The following ABCC11 variants were observed in gnomAD, a reference collection of about 807,000 sequenced individuals.
The protein encoded by ABCC11 is ATP-binding cassette sub-family C member 11.
In ABCC11, 135 loss-of-function variants were observed where a neutral mutation model predicts 149.3. That is an observed-to-expected ratio of 0.90 (90% confidence interval 0.79 to 1.04). The LOEUF (loss-of-function observed/expected upper bound fraction) is 1.04, where lower values mean the gene tolerates loss of function less well. Among genes scored for constraint, ABCC11 ranks in the 50% least tolerant of loss-of-function variants. ABCC11 has a pLI of 0.00. For synonymous variants in ABCC11, 665 were observed against 671.4 expected (o/e 0.99, Z 0.15); for missense variants, 1,680 against 1,722.1 (o/e 0.98, Z 0.43).
intron 1 of ABCC11, among the ~76,000 whole-genome samples, chr16:48,233,011 G>A (rs1165371546): frequency 7.9e-5 from 12 of 152,026 alleles, no homozygotes; most frequent in Admixed American, 7.9e-4. Flanking sequence ...ACCAGCCTGG[G>A]CAACATGGCG....
chr16:48,238,964 A>G (rs927439889), intron 1 of ABCC11, among the ~76,000 whole-genome samples: 2 of 149,258 alleles, frequency 1.3e-5, no homozygotes, highest in Non-Finnish European at 3.0e-5. Context: ...AAAAAACCAT[A>G]AAAACTAAAT....
intron 14 of ABCC11, among the ~76,000 whole-genome samples, chr16:48,201,199 T>C (rs552266659): frequency 1.2e-3 from 183 of 152,336 alleles, no homozygotes; most frequent in Middle Eastern, 0.01. Flanking sequence ...GAGGCAAACA[T>C]TAAACTATTA....
rs1209984304 is a variant in ABCC11 at position 48,213,401 on chromosome 16, C to T, written c.1356+42G>A. ...ATCATGGGGGCTGAAGGCAGAGGAG[C>T]GTCCAAGCAGGGGGCCTACAGCCAG... is the stretch of plus-strand genomic sequence containing the variant. On this transcript the variant is annotated intron_variant, in intron 10 of 29. Transcript: ENST00000356608. The T allele has an allele frequency of 7.1e-6, 11 of 1,539,890 alleles. No homozygotes were observed. The Admixed American group carries it at 8.7e-5, about 12-fold the overall frequency.
chr16:48,165,853 A>G lies in ABCC11; in HGVS notation c.*1421T>C, dbSNP rs1196917383. Reference sequence around the variant, plus strand: ...TGGAATAAAAAGGAAAGTACTTTGAAACATATTTCCCCCAACAACAAGGTC... The same window carrying G: ...TGGAATAAAAAGGAAAGTACTTTGAGACATATTTCCCCCAACAACAAGGTC... On this transcript the variant is annotated 3_prime_UTR_variant, in exon 30 of 30. Transcript: ENST00000356608. 1 of 152,242 alleles carries G rather than the reference A, an allele frequency of 6.6e-6. No homozygotes were observed. The highest frequency in any genetic ancestry group is 1.5e-5 in the Non-Finnish European group (1 of 68,046). 9.4% of individuals were successfully genotyped at this position (152,242 alleles called of 1,614,324 possible). A position where few individuals can be genotyped will look rare whatever the true frequency, so the allele number is the denominator to read the frequency against.
intron 25 of ABCC11, 50 bp from the exon 26 acceptor site, chr16:48,175,467 C>T (rs778171509): frequency 6.6e-5 from 104 of 1,568,328 alleles, no homozygotes; most frequent in Non-Finnish European, 8.0e-5. Flanking sequence ...TCTGCACTAG[C>T]GGAAGCACAG....
chr16:48,214,271 C>G (rs1272639587), intron 9 of ABCC11, among the ~76,000 whole-genome samples: 1 of 152,062 alleles, frequency 6.6e-6, no homozygotes, highest in East Asian at 1.9e-4. Context: ...CCTCAGACTT[C>G]TCGGGGGTGT....
Position 48,216,286 on chromosome 16 carries a change from G to C in ABCC11, c.779C>G (p.Ala260Gly). 6.2e-7 allele frequency: 1 copy of C among 1,612,444 alleles called. No individual in the cohort carries two copies. Reference protein sequence around the residue: ...KSVIHITSGEAISFFTGDVNY... With the variant: ...KSVIHITSGEGISFFTGDVNY... ...TACATCACCGGTGAAGAAGCTGATG[G>C]CCTGCAAGACAGCAAGTTGATGGGC... Residue 260 changes from alanine (A) to glycine (G), a missense_variant and splice_region_variant, in exon 7 of 30, where the codon GCC (alanine) becomes GGC (glycine). Coordinates refer to ENST00000356608, the MANE Select transcript of ABCC11 (RefSeq NM_001370497.1).
In ABCC11 at chr16:48,167,136, AC is replaced by A. The variant is rs577370685; in HGVS notation, c.*137del. 5.7e-5 allele frequency: 16 copies of A among 282,738 alleles called. No homozygotes were observed. Among genetic ancestry groups the A allele is most frequent in the East Asian group, 2.3e-4 (3 of 13,184 alleles). The allele number at this position is 282,738 out of a possible 1,614,324, so 17.5% of individuals were successfully genotyped here. ...CCAGGGTTTCCATCCAGCAATCCCC[AC>A]CCCCCCTACATTTACCCCTGCTTCC... is the stretch of plus-strand genomic sequence containing the variant. On this transcript the variant is annotated 3_prime_UTR_variant, in exon 30 of 30. Transcript: ENST00000356608.
intron 1 of ABCC11, chr16:48,232,238 G>T: frequency 3.7e-6 from 1 of 269,796 alleles, no homozygotes; most frequent in African/African-American, 2.3e-5. Flanking sequence ...TCAAACCCCT[G>T]CTCATAAAAT....
intron 6 of ABCC11, among the ~76,000 whole-genome samples, chr16:48,220,627 C>T (rs1460972502): frequency 6.6e-6 from 1 of 152,184 alleles, no homozygotes; most frequent in Non-Finnish European, 1.5e-5. Context: ...AGACAACAAT[C>T]CTATGAGGTT....
At chr16:48,165,404 C>T (rs1275963931), downstream of ABCC11, among the ~76,000 whole-genome samples, 1 of 152,240 alleles carries the variant, frequency 6.6e-6, no homozygotes, top group Non-Finnish European at 1.5e-5. Flanking sequence ...CTCCAGGGCA[C>T]CGGACTTCTC....
chr16:48,190,199 C>A (rs1966861705), intron 20 of ABCC11, among the ~76,000 whole-genome samples: 1 of 152,124 alleles, frequency 6.6e-6, no homozygotes, highest in Non-Finnish European at 1.5e-5. Context: ...TTGTCCATCT[C>A]CCCCATTAGA....
At chr16:48,180,440 G>A (rs1452574366) in intron 23 of ABCC11, among the ~76,000 whole-genome samples, 3 of 152,184 alleles carry the variant, frequency 2.0e-5, no homozygotes, top group Non-Finnish European at 4.4e-5. Flanking sequence ...GTTCATGCTA[G>A]GCCACTAAAT....
At chr16:48,236,492 A>C (rs1970695987) in intron 1 of ABCC11, among the ~76,000 whole-genome samples, 1 of 152,178 alleles carries the variant, frequency 6.6e-6, no homozygotes, top group South Asian at 2.1e-4. Context: ...TACCTCATTG[A>C]ATGTAAGCTC....
intron 28 of ABCC11, among the ~76,000 whole-genome samples, chr16:48,169,700 G>T (rs1278999312): frequency 2.0e-5 from 3 of 147,642 alleles, no homozygotes; most frequent in Non-Finnish European, 3.0e-5. Context: ...CTCACTCATG[G>T]GTGGGAATTG....
intron 6 of ABCC11, among the ~76,000 whole-genome samples, chr16:48,218,273 G>C (rs1018821098): frequency 1.3e-5 from 2 of 152,194 alleles, no homozygotes; most frequent in Admixed American, 6.5e-5. Flanking sequence ...TCCAGCCTGG[G>C]TGATAGAGTG....
chr16:48,172,233 G>T (rs1965768546), intron 26 of ABCC11, among the ~76,000 whole-genome samples: 1 of 151,978 alleles, frequency 6.6e-6, no homozygotes, highest in South Asian at 2.1e-4. Context: ...ATATTCCATT[G>T]TATGTATATA....
At chr16:48,173,717 C>T (rs1192801120) in intron 26 of ABCC11, among the ~76,000 whole-genome samples, 1 of 152,152 alleles carries the variant, frequency 6.6e-6, no homozygotes, top group African/African-American at 2.4e-5. Context: ...CTCCACCTCC[C>T]GGGCTCATGC....
intron 1 of ABCC11, chr16:48,232,225 G>A: frequency 3.0e-6 from 1 of 329,818 alleles, no homozygotes. Context: ...CTCCTTTGAT[G>A]TATCAAACCC....
Sources: allele counts gnomAD v4.1 joint callset (sites outside exome capture counted in the v4.1 genomes callset), GRCh38; gene constraint gnomAD v4.1.1; transcripts MANE v1.5; gene names NCBI Gene and HGNC (gene_info 2026-07-23, HGNC 2026-07-21).